The following SLC13A2 variants were observed in gnomAD, a reference collection of about 807,000 sequenced individuals.
SLC13A2 encodes Na(+)-coupled citrate transporter.
Under a neutral mutation model 58.5 loss-of-function variants are expected in SLC13A2, and 40 were observed. The ratio of observed to expected loss-of-function variants is 0.68; its 90% CI spans 0.53 to 0.89. The LOEUF (loss-of-function observed/expected upper bound fraction) is 0.89, where lower values mean the gene tolerates loss of function less well. SLC13A2 is among the 40% of genes least tolerant of loss of function. The probability of loss-of-function intolerance (pLI) is 0.00; values close to 1 mark genes in which losing one functional copy is unlikely to be tolerated. For missense variants in SLC13A2, 694 were observed against 772.6 expected, an observed-to-expected ratio of 0.90 and a Z score of 1.21; for synonymous variants, 341 against 331.6, an observed-to-expected ratio of 1.03 and a Z score of -0.31.
chr17:28,484,501 A>G (rs1426052679), intron 1 of SLC13A2, among the ~76,000 whole-genome samples: 4 of 152,168 alleles, frequency 2.6e-5, no homozygotes, highest in Non-Finnish European at 5.9e-5. Context: ...GACATGAGGC[A>G]CAGACCAACT....
Position 28,490,557 on chromosome 17 carries a change from G to C in SLC13A2, c.335G>C (p.Arg112Pro). Residue 112 changes from arginine (R) to proline (P), a missense_variant, in exon 3 of 12, where the codon CGT becomes CCT. Coordinates refer to ENST00000314669, the MANE Select transcript of SLC13A2 (RefSeq NM_003984.4). ...HWNLHKRIAL[R>P]VLLIVGVRPA... is the part of the protein sequence containing the mutation. ...AACCTGCATAAACGCATCGCCCTCCGTGTCCTCCTCATCGTTGGGGTGCGG... is the reference window on the plus strand; with the variant it reads ...AACCTGCATAAACGCATCGCCCTCCCTGTCCTCCTCATCGTTGGGGTGCGG... The C allele has an allele frequency of 6.2e-7, 1 of 1,609,606 alleles. No homozygotes were observed. Among genetic ancestry groups the C allele is most frequent in the Non-Finnish European group, 8.5e-7 (1 of 1,176,488 alleles).
At chr17:28,482,551 G>A (rs1347015572) in intron 1 of SLC13A2, among the ~76,000 whole-genome samples, 7 of 151,976 alleles carry the variant, frequency 4.6e-5, no homozygotes, top group African/African-American at 7.3e-5. Flanking sequence ...TTTTTAAACC[G>A]CGTGTGGTAG....
rs558777535 is a variant in SLC13A2 at position 28,492,276 on chromosome 17, C to A, written c.878+424C>A. On this transcript the variant is annotated intron_variant, in intron 6 of 11. Coordinates refer to ENST00000314669, the MANE Select transcript of SLC13A2 (RefSeq NM_003984.4). ...AGAAGGCACTGGGCACAGTCCCTGT[C>A]CTTGTAGCCCATCAGGTGGATGATG... Among the ~76,000 whole-genome samples, 244 of 152,228 alleles carry A rather than the reference C, an allele frequency of 1.6e-3. 2 individuals carry two copies. Among genetic ancestry groups the A allele is most frequent in the Non-Finnish European group, 5.0e-4 (34 of 68,038 alleles).
In SLC13A2 at chr17:28,483,108, T is replaced by A. The variant is rs1227035612; in HGVS notation, c.103-6106T>A. Among the ~76,000 whole-genome samples the A allele has an allele frequency of 4.6e-5, 7 of 152,332 alleles. No homozygotes were observed. The East Asian group carries it at 1.4e-3, about 29-fold the overall frequency. ...ACACCTCTGAGACTGTGGGCACATG[T>A]GCTGCTGCCTGACAGTCACAGGCTG... On this transcript the variant is annotated intron_variant, in intron 1 of 11. Transcript: ENST00000314669.
At position 28,494,879 on chromosome 17, in the gene SLC13A2, G is replaced by A. The variant is rs782388714; in HGVS notation, c.1308+367G>A. On this transcript the variant is annotated intron_variant, in intron 9 of 11. Transcript: ENST00000314669. The surrounding 1 kb of genome is among the most constrained non-coding windows in gnomAD (Gnocchi z 4.0). ...GTTGTGTTGACGCGGTCTGCCCTCC[G>A]CAGCCACCAGGGGGCACCATGATCA... Among the ~76,000 whole-genome samples, 2 of 152,064 alleles carry A rather than the reference G, an allele frequency of 1.3e-5. No individual in the cohort carries two copies. Among genetic ancestry groups the A allele is most frequent in the African/African-American group, 2.4e-5 (1 of 41,404 alleles).
intron 6 of SLC13A2, among the ~76,000 whole-genome samples, chr17:28,492,961 C>T (rs2069057469): frequency 6.6e-6 from 1 of 152,184 alleles, no homozygotes; most frequent in Admixed American, 6.5e-5. Flanking sequence ...TGGTACAAGG[C>T]AAGGTGGTAG....
intron 1 of SLC13A2, among the ~76,000 whole-genome samples, chr17:28,485,533 C>G (rs2068864214): frequency 6.6e-6 from 1 of 152,174 alleles, no homozygotes; most frequent in Admixed American, 6.5e-5. Flanking sequence ...CCCTAGGGCT[C>G]TGCCCTCAGG....
chr17:28,473,905 A>G, intron 1 of SLC13A2, 91 bp downstream of exon 1: 2 of 1,054,492 alleles, frequency 1.9e-6, no homozygotes, highest in East Asian at 5.2e-5. Flanking sequence ...GATCCAGCAT[A>G]ACTTCCTCAC....
chr17:28,493,619 G>A lies in SLC13A2; in HGVS notation c.927G>A (p.Gln309=). The A allele has an allele frequency of 6.2e-7, 1 of 1,612,578 alleles. No homozygotes were observed. The highest frequency in any genetic ancestry group is 1.1e-5 in the South Asian group (1 of 91,018). Residue 309 remains glutamine, a synonymous_variant, in exon 7 of 12, where the codon CAG becomes CAA. Transcript: ENST00000314669. ...GIGEKMQEQQ[Q]AAYCVIQTEH... ...GGGAAAAGATGCAGGAGCAACAGCA[G>A]GCAGCCTACTGCGTCATCCAGACCG...
chr17:28,496,960 C>A lies in SLC13A2; in HGVS notation c.1609-139C>A. 1.2e-6 allele frequency: 1 copy of A among 833,328 alleles called. No individual in the cohort carries two copies. The highest frequency in any genetic ancestry group is 1.9e-6 in the Non-Finnish European group (1 of 521,128). 51.6% of individuals were successfully genotyped at this position (833,328 alleles called of 1,614,324 possible). A position where few individuals can be genotyped will look rare whatever the true frequency, so the allele number is the denominator to read the frequency against. The stretch of plus-strand genomic sequence containing the variant: ...GCAAGGGGCAAAGGCATTGGCTATG[C>A]TGCAGGTTAGACCAACGGGAGGACT... On this transcript the variant is annotated intron_variant, in intron 11 of 11. Coordinates refer to ENST00000314669, the MANE Select transcript of SLC13A2 (RefSeq NM_003984.4). This position sits in a 1 kb window ranked among gnomAD's most constrained non-coding sequence, Gnocchi z 4.2.
Position 28,494,056 on chromosome 17 carries a change from A to G in SLC13A2, c.1137A>G (p.Ile379Met), listed in dbSNP as rs1421710025. 4 of 1,613,860 alleles carry G rather than the reference A, an allele frequency of 2.5e-6. No homozygotes were observed. In the Admixed American group the frequency reaches 5.0e-5, roughly 20 times the overall value. ...GGACAGTGGCCATCTTCATCGGCAT[A>G]ATTATGTTCATCATACCCTCCAAGT... Reference protein sequence around the residue: ...SDGTVAIFIGIIMFIIPSKFP... With the variant: ...SDGTVAIFIGMIMFIIPSKFP... The change falls in exon 8 of 12, where the codon ATA (isoleucine) becomes ATG (methionine). Residue 379 changes from isoleucine to methionine, a missense_variant. Physicochemically the swap from Ile to Met is conservative, Grantham distance 10 (BLOSUM62 1). Transcript: ENST00000314669. This position sits in a 1 kb window ranked among gnomAD's most constrained non-coding sequence, Gnocchi z 4.0.
intron 1 of SLC13A2, among the ~76,000 whole-genome samples, chr17:28,483,864 T>C (rs2068830875): frequency 6.6e-6 from 1 of 152,204 alleles, no homozygotes; most frequent in Non-Finnish European, 1.5e-5. Flanking sequence ...AAGCGGGGAC[T>C]CAGCACTCAG....
rs1555602608 is a variant in SLC13A2 at position 28,489,255 on chromosome 17, C to G, written c.144C>G (p.Phe48Leu). 1.2e-6 allele frequency: 2 copies of G among 1,614,116 alleles called. No individual in the cohort carries two copies. Among genetic ancestry groups the G allele is most frequent in the South Asian group, 2.2e-5 (2 of 91,090 alleles). ...CAYAIILMALFWCTEALPLAV... is the reference protein window; with the variant it reads ...CAYAIILMALLWCTEALPLAV... ...ATGCCATCATCCTCATGGCGCTCTT[C>G]TGGTGCACTGAGGCCCTGCCCCTGG... Residue 48 changes from phenylalanine to leucine, a missense_variant, in exon 2 of 12, where the codon TTC becomes TTG. Phe to Leu is a conservative substitution (Grantham distance 22). Coordinates refer to ENST00000314669, the MANE Select transcript of SLC13A2 (RefSeq NM_003984.4).
At chr17:28,475,448 A>G (rs1555599731) in intron 1 of SLC13A2, among the ~76,000 whole-genome samples, 1 of 152,028 alleles carries the variant, frequency 6.6e-6, no homozygotes, top group African/African-American at 2.4e-5. Context: ...TCTCTGCCTG[A>G]TCTCCCCCAT....
Position 28,490,410 on chromosome 17 carries a change from A to G in SLC13A2, c.232-44A>G, listed in dbSNP as rs782564356. On this transcript the variant is annotated intron_variant, in intron 2 of 11. Coordinates refer to ENST00000314669, the MANE Select transcript of SLC13A2 (RefSeq NM_003984.4). ...CATAACCTCGGGGGCACCGTGGGAG[A>G]CTCCAGGGTCTTCCCGCCGCTCAGC... 1.9e-6 allele frequency: 3 copies of G among 1,613,210 alleles called. No individual in the cohort carries two copies. The East Asian group carries it at 6.7e-5, about 36-fold the overall frequency.
Position 28,489,338 on chromosome 17 carries a change from C to G in SLC13A2, c.227C>G (p.Ser76Cys), listed in dbSNP as rs1555602663. The G allele has an allele frequency of 6.3e-7, 1 of 1,587,378 alleles. No individual in the cohort carries two copies. The highest frequency in any genetic ancestry group is 1.7e-5 in the Admixed American group (1 of 57,252). ...CCTATGATGGGCATCGTGGATGCCT[C>G]TGAGGTGAGCCCCATCCATAGGAGA... is the stretch of plus-strand genomic sequence containing the variant. ...LFPMMGIVDASEVAVEYLKDS... is the reference protein window; with the variant it reads ...LFPMMGIVDACEVAVEYLKDS... The change falls in exon 2 of 12, where the codon TCT becomes TGT. Residue 76 changes from serine to cysteine, a missense_variant. Transcript: ENST00000314669.
chr17:28,493,564 C>T lies in SLC13A2; in HGVS notation c.879-7C>T. ...CCCCACGAGCTGCCCCGTCCCTCTG[C>T]CTGCAGCTTCCGGAAGAACTTTGGC... On this transcript the variant is annotated splice_region_variant and splice_polypyrimidine_tract_variant and intron_variant, in intron 6 of 11. Transcript: ENST00000314669. The T allele has an allele frequency of 6.3e-7, 1 of 1,596,426 alleles. No individual in the cohort carries two copies. Among genetic ancestry groups the T allele is most frequent in the Non-Finnish European group, 8.6e-7 (1 of 1,168,350 alleles).
At chr17:28,481,779 C>T (rs2068791057) in intron 1 of SLC13A2, among the ~76,000 whole-genome samples, 1 of 152,016 alleles carries the variant, frequency 6.6e-6, no homozygotes, top group Non-Finnish European at 1.5e-5. Context: ...AGGCATTTGG[C>T]ATCTGCCTAT....
rs2069171968 is a variant in SLC13A2 at position 28,497,493 on chromosome 17, T to G, written c.*224T>G. The G allele has an allele frequency of 1.8e-6, 1 of 563,758 alleles. No individual in the cohort carries two copies. Among genetic ancestry groups the G allele is most frequent in the Non-Finnish European group, 3.1e-6 (1 of 319,804 alleles). 34.9% of individuals were successfully genotyped at this position (563,758 alleles called of 1,614,324 possible). A position where few individuals can be genotyped will look rare whatever the true frequency, so the allele number is the denominator to read the frequency against. On this transcript the variant is annotated 3_prime_UTR_variant, in exon 12 of 12. Coordinates refer to ENST00000314669, the MANE Select transcript of SLC13A2 (RefSeq NM_003984.4). The stretch of plus-strand genomic sequence containing the variant: ...GTGTGTGTGCGCATATGTGTGCGCC[T>G]GCATGGATGTGAGGGGTGTGTGACG...
Sources: gnomAD v4.1 joint callset for allele counts (sites outside exome capture counted in the v4.1 genomes callset) on GRCh38, gnomAD v4.1.1 for gene constraint, Gnocchi (gnomAD v3.1) non-coding constraint, MANE v1.5 for transcripts, NCBI Gene and HGNC (gene_info 2026-07-23, HGNC 2026-07-21) for gene names.